The following UNC13B variants were observed in gnomAD, a reference collection of about 807,000 sequenced individuals.
UNC13B encodes unc-13 homolog B, also known as protein unc-13 homolog B.
Under a neutral mutation model 211.0 loss-of-function variants are expected in UNC13B, and 144 were observed. The ratio of observed to expected loss-of-function variants is 0.68; its 90% CI spans 0.60 to 0.78. The LOEUF (loss-of-function observed/expected upper bound fraction) is 0.78, where lower values mean the gene tolerates loss of function less well. Ranked by LOEUF, UNC13B falls within the 30% of genes least tolerant of loss-of-function variation. The pLI is 0.00. For missense variants in UNC13B, 1,777 were observed against 2,002.0 expected (o/e 0.89, Z 2.14); for synonymous variants, 709 against 725.8 (o/e 0.98, Z 0.37).
chr9:35,227,726 C>T (rs1485273884), intron 1 of UNC13B: 5 of 329,722 alleles, frequency 1.5e-5, no homozygotes, highest in Admixed American at 4.7e-5. Flanking sequence ...GAAGATATCT[C>T]ACATGAAACT....
chr9:35,229,190 T>C (rs1825054651), intron 2 of UNC13B, among the ~76,000 whole-genome samples: 1 of 152,192 alleles, frequency 6.6e-6, no homozygotes, highest in Non-Finnish European at 1.5e-5. Context: ...TTAGGAAGAC[T>C]TCCTCTGGTT....
chr9:35,353,733 A>G (rs1272957336), intron 11 of UNC13B: 2 of 1,232,154 alleles, frequency 1.6e-6, no homozygotes, highest in Admixed American at 8.4e-5. Flanking sequence ...CTAAGAGAGA[A>G]AAGACTAAGG....
chr9:35,222,180 T>C (rs1282566828), intron 1 of UNC13B, among the ~76,000 whole-genome samples: 3 of 152,142 alleles, frequency 2.0e-5, no homozygotes, highest in Admixed American at 6.5e-5. Flanking sequence ...AGCTTGTCAG[T>C]ATCTAAAAAA....
chr9:35,394,423 C>A (rs985949900), intron 26 of UNC13B, among the ~76,000 whole-genome samples: 4 of 152,056 alleles, frequency 2.6e-5, no homozygotes, highest in Non-Finnish European at 5.9e-5. Context: ...TGGTGAAACC[C>A]CAACTCTACT....
rs1366271627 is a variant in UNC13B, at chr9:35,403,799, G to A, written c.12789G>A (p.Val4263=). ...GPESYELQIC[V]KDYCFAREDR... ...AGTCCTATGAGTTGCAGATATGCGTGAAGGATTACTGCTTTGCCCGGGAAG... is the reference window on the plus strand; with the variant it reads ...AGTCCTATGAGTTGCAGATATGCGTAAAGGATTACTGCTTTGCCCGGGAAG... Residue 4263 remains valine, a synonymous_variant, in exon 40 of 40, where the codon GTG becomes GTA. Transcript: ENST00000635942. 7 of 1,614,060 alleles carry A rather than the reference G, an allele frequency of 4.3e-6. No individual in the cohort carries two copies.
At chr9:35,257,357 ATATAAATATTTATAAAATATTT>A (rs1826961693) in intron 6 of UNC13B, among the ~76,000 whole-genome samples, 1 of 3,748 alleles carries the variant, frequency 2.7e-4, no homozygotes, top group African/African-American at 4.0e-4. Flanking sequence ...AAAAATATTT[ATATAAATATTTATAAAATATTT>A]ATATAAATAT....
intron 2 of UNC13B, among the ~76,000 whole-genome samples, chr9:35,230,303 T>C (rs1291494478): frequency 6.6e-6 from 1 of 151,882 alleles, no homozygotes; most frequent in African/African-American, 2.4e-5. Flanking sequence ...AAACCCCATC[T>C]CTACTAAAAA....
At position 35,404,317 on chromosome 9, in the gene UNC13B, C is replaced by A; in HGVS notation, c.*284C>A. On this transcript the variant is annotated 3_prime_UTR_variant, in exon 40 of 40. Coordinates refer to ENST00000635942, the MANE Select transcript of UNC13B (RefSeq NM_001371189.2). ...GGACAAACATTTCTGAGAGTGTCAG[C>A]CATTCTTGGTAGACACCTCTCCACT... The A allele has an allele frequency of 2.2e-6, 1 of 458,008 alleles. No individual in the cohort carries two copies. The highest frequency in any genetic ancestry group is 4.0e-6 in the Non-Finnish European group (1 of 252,218). The allele number at this position is 458,008 out of a possible 1,614,324, so 28.4% of individuals were successfully genotyped here.
At chr9:35,262,276 TTTTCC>T (rs1827323467) in intron 7 of UNC13B, among the ~76,000 whole-genome samples, 1 of 151,834 alleles carries the variant, frequency 6.6e-6, no homozygotes, top group African/African-American at 2.4e-5. Flanking sequence ...TTCCTTTTCC[TTTTCC>T]TTTCTTTTCC....
At position 35,305,791 on chromosome 9, in the gene UNC13B, T is replaced by C; in HGVS notation, c.6387T>C (p.Asn2129=). The change falls in exon 9 of 40, where the codon AAT becomes AAC. Residue 2129 remains asparagine (N), a synonymous_variant. Transcript: ENST00000635942. ...EISFDTLSKR[N]SNEQDHFSDK... is the part of the protein sequence containing the mutation. ...CCTTTGATACCCTGAGCAAGAGAAA[T>C]TCAAATGAACAAGATCATTTTTCTG... The C allele has an allele frequency of 2.5e-6, 1 of 398,988 alleles. No individual in the cohort carries two copies. The highest frequency in any genetic ancestry group is 1.3e-4 in the South Asian group (1 of 7,852). 24.7% of individuals were successfully genotyped at this position (398,988 alleles called of 1,614,324 possible).
intron 1 of UNC13B, among the ~76,000 whole-genome samples, chr9:35,221,749 A>G (rs943380235): frequency 3.9e-5 from 6 of 152,098 alleles, no homozygotes; most frequent in South Asian, 4.1e-4. Flanking sequence ...ATTTTCTCCT[A>G]TGTTTTCTTC....
In UNC13B at chr9:35,173,667, G is replaced by A. The variant is rs183985643; in HGVS notation, c.22+11362G>A. Reference sequence around the variant, plus strand: ...TCAAACTCTTGAGCTCATGTAATCCGCCCGCCTCAGCCTCCCAAAGTGTTA... The same window carrying A: ...TCAAACTCTTGAGCTCATGTAATCCACCCGCCTCAGCCTCCCAAAGTGTTA... On this transcript the variant is annotated intron_variant, in intron 1 of 39. Coordinates refer to ENST00000635942, the MANE Select transcript of UNC13B (RefSeq NM_001371189.2). Among the ~76,000 whole-genome samples the A allele has an allele frequency of 2.2e-3, 336 of 152,010 alleles. 2 individuals carry two copies. Among genetic ancestry groups the A allele is most frequent in the Non-Finnish European group, 3.8e-3 (255 of 67,968 alleles).
Position 35,399,237 on chromosome 9 carries a change from A to G in UNC13B, c.12151A>G (p.Asn4051Asp). Residue 4051 changes from asparagine to aspartate, a missense_variant, in exon 34 of 40, where the codon AAC (asparagine) becomes GAC (aspartate). Physicochemically the swap from Asn to Asp is conservative, Grantham distance 23. Coordinates refer to ENST00000635942, the MANE Select transcript of UNC13B (RefSeq NM_001371189.2). ...VLKELWRVVM[N>D]TMERMIVLPP... ...GAAGGAGCTCTGGCGCGTGGTGATG[A>G]ACACAATGGAGAGGATGATTGTTCT... is the stretch of plus-strand genomic sequence containing the variant. 2 of 1,614,094 alleles carry G rather than the reference A, an allele frequency of 1.2e-6. No individual in the cohort carries two copies. Among genetic ancestry groups the G allele is most frequent in the Non-Finnish European group, 1.7e-6 (2 of 1,180,006 alleles).
At chr9:35,227,787 C>A (rs913562786) in intron 1 of UNC13B, 4 of 424,008 alleles carry the variant, frequency 9.4e-6, no homozygotes, top group African/African-American at 8.3e-5. Context: ...TTGTCAGGAG[C>A]CTGGAACAGA....
At chr9:35,375,266 T>C in intron 14 of UNC13B, 65 bp downstream of exon 14, 3 of 1,530,876 alleles carry the variant, frequency 2.0e-6, no homozygotes, top group Non-Finnish European at 2.7e-6. Context: ...TCTGTAGCCA[T>C]GCTATTAATA....
intron 22 of UNC13B, chr9:35,385,173 G>C (rs1835111353): frequency 1.0e-6 from 1 of 985,444 alleles, no homozygotes; most frequent in African/African-American, 1.7e-5. Context: ...CAAAGTGAAT[G>C]AAGTAAGGAT....
intron 5 of UNC13B, among the ~76,000 whole-genome samples, chr9:35,241,259 C>G (rs911254646): frequency 6.6e-6 from 1 of 152,034 alleles, no homozygotes; most frequent in Non-Finnish European, 1.5e-5. Context: ...CATGGTCTGA[C>G]TCTAGAGCCT....
At chr9:35,207,955 T>G (rs758124335) in intron 1 of UNC13B, among the ~76,000 whole-genome samples, 1 of 152,260 alleles carries the variant, frequency 6.6e-6, no homozygotes, top group Non-Finnish European at 1.5e-5. Flanking sequence ...TCAGCTATTA[T>G]AGTCAGATCT....
At chr9:35,237,282 C>G (rs1825566755) in intron 4 of UNC13B, among the ~76,000 whole-genome samples, 1 of 152,066 alleles carries the variant, frequency 6.6e-6, no homozygotes, top group South Asian at 2.1e-4. Context: ...TTAGTTCTAG[C>G]TAAGTCTCTA....
Sources: gnomAD v4.1 joint callset for allele counts (sites outside exome capture counted in the v4.1 genomes callset) on GRCh38, gnomAD v4.1.1 for gene constraint, MANE v1.5 for transcripts, NCBI Gene and HGNC (gene_info 2026-07-23, HGNC 2026-07-21) for gene names.